Variants in BCORL1 observed in about 807,000 individuals in gnomAD.
BCORL1 encodes the protein BCL-6 corepressor-like protein 1.
BCORL1 carries 7 observed loss-of-function variants against 87.6 expected under a neutral mutation model. The observed-to-expected ratio is 0.08, with a 90% confidence interval of 0.05 to 0.15. BCORL1 has a LOEUF of 0.15. Among genes scored for constraint, BCORL1 ranks in the 10% least tolerant of loss-of-function variants. The probability of loss-of-function intolerance (pLI) is 1.00; values close to 1 mark genes in which losing one functional copy is unlikely to be tolerated. For missense variants in BCORL1, 1,215 were observed against 1,499.7 expected (o/e 0.81, Z 3.13); for synonymous variants, 591 against 634.4 (o/e 0.93, Z 1.03).
chrX:129,998,357 C>T (rs1012237885), intron 1 of BCORL1, among the ~76,000 whole-genome samples: 3 of 75,298 alleles, frequency 4.0e-5, no homozygotes, highest in East Asian at 4.6e-4. Flanking sequence ...GGAGAGTAGG[C>T]GGGGTGGTGG....
chrX:130,031,020 T>G (rs1270510439), intron 8 of BCORL1, among the ~76,000 whole-genome samples: 1 of 112,915 alleles, frequency 8.9e-6, no homozygotes, highest in African/African-American at 3.2e-5. Flanking sequence ...CAAGGGCTTC[T>G]TCCCACAGGG....
intron 2 of BCORL1, among the ~76,000 whole-genome samples, chrX:130,006,644 C>T (rs925624987): frequency 1.8e-5 from 2 of 111,235 alleles, no homozygotes; most frequent in Non-Finnish European, 3.8e-5. Context: ...CAGGTGTGAG[C>T]CACCTTGCCC....
chrX:130,048,011 C>G (rs1054012954), intron 11 of BCORL1, among the ~76,000 whole-genome samples: 2 of 111,837 alleles, frequency 1.8e-5, no homozygotes, highest in Non-Finnish European at 3.8e-5. Flanking sequence ...GACAGCGGGA[C>G]TGCAGTTGTT....
chrX:130,048,653 T>C (rs1169363773), intron 11 of BCORL1, among the ~76,000 whole-genome samples: 2 of 112,448 alleles, frequency 1.8e-5, no homozygotes, highest in Non-Finnish European at 3.8e-5. Context: ...ACTTTTATTG[T>C]GGTCAAATAC....
Position 130,014,636 on chromosome X carries a change from C to A in BCORL1, c.1864C>A (p.Leu622Ile). 8.3e-7 allele frequency: 1 copy of A among 1,211,654 alleles called. No individual in the cohort carries two copies. The highest frequency in any genetic ancestry group is 1.7e-5 in the African/African-American group (1 of 57,785). ...TCCACCTGAGTGCAGCGAGATGCCCCTTGATCTGTCCTCCAAGTCCAACCG... is the reference window on the plus strand; with the variant it reads ...TCCACCTGAGTGCAGCGAGATGCCCATTGATCTGTCCTCCAAGTCCAACCG... ...ASPPECSEMP[L>I]DLSSKSNRQK... Residue 622 changes from leucine (L) to isoleucine (I), a missense_variant, in exon 4 of 14, where the codon CTT (leucine) becomes ATT (isoleucine). Leu to Ile is a conservative substitution (Grantham distance 5). Coordinates refer to ENST00000540052, the MANE Select transcript of BCORL1 (RefSeq NM_001379451.1).
chrX:130,056,392 CAA>C lies in BCORL1; in HGVS notation c.*257_*258del. 6.6e-6 allele frequency: 2 copies of C among 301,615 alleles called. No homozygotes were observed. Among genetic ancestry groups the C allele is most frequent in the Non-Finnish European group, 1.1e-5 (2 of 175,483 alleles). 24.9% of individuals were successfully genotyped at this position (301,615 alleles called of 1,213,427 possible). A position where few individuals can be genotyped will look rare whatever the true frequency, so the allele number is the denominator to read the frequency against. ...GAAAGTTGAACTCCATGTCTGAGGA[CAA>C]GAGGTCCCGGGGGTGGTGGGAGGTG... is the stretch of plus-strand genomic sequence containing the variant. On this transcript the variant is annotated 3_prime_UTR_variant, in exon 14 of 14. Transcript: ENST00000540052.
chrX:130,037,344 T>A, intron 9 of BCORL1, 23 bp from the exon 10 acceptor site: 1 of 1,205,424 alleles, frequency 8.3e-7, no homozygotes, highest in African/African-American at 1.7e-5. Flanking sequence ...TCTTTGCTCA[T>A]GGAGTTGTCC....
intron 2 of BCORL1, among the ~76,000 whole-genome samples, chrX:130,011,486 C>T (rs767779149): frequency 9.9e-6 from 1 of 100,513 alleles, no homozygotes; most frequent in Non-Finnish European, 2.0e-5. Context: ...GATGCACCCA[C>T]CTCAGCTGGC....
chrX:130,043,776 ATATATATATTTTT>A (rs1392894506), intron 11 of BCORL1, among the ~76,000 whole-genome samples: 1 of 21,432 alleles, frequency 4.7e-5, no homozygotes, highest in Non-Finnish European at 6.8e-5. Flanking sequence ...ATATATATAT[ATATATATATTTTT>A]TTTTTTTTTT....
intron 11 of BCORL1, among the ~76,000 whole-genome samples, chrX:130,043,339 C>T: frequency 9.0e-6 from 1 of 111,406 alleles, no homozygotes; most frequent in Non-Finnish European, 1.9e-5. Flanking sequence ...CCATTTAGTA[C>T]ATTCCTAATG....
chrX:129,982,140 C>T (rs765238225), upstream of BCORL1, among the ~76,000 whole-genome samples: 33 of 109,503 alleles, frequency 3.0e-4, no homozygotes, highest in Admixed American at 2.1e-3. Flanking sequence ...AGAGAGAACC[C>T]TTTGGCCGCG....
At position 130,014,789 on chromosome X, in the gene BCORL1, G is replaced by A. The variant is rs1158033315; in HGVS notation, c.2017G>A (p.Gly673Ser). Residue 673 changes from glycine to serine, a missense_variant, in exon 4 of 14, where the codon GGT (glycine) becomes AGT (serine). Physicochemically the swap from Gly to Ser is moderately conservative, Grantham distance 56 (BLOSUM62 0). This residue lies in a region of BCORL1 where 861 missense variants were observed against 1,010.0 expected (regional missense o/e 0.85). Transcript: ENST00000540052. ...SRSQRTTQAA[G>S]GNVTSCLGST... ...GTCTCAGCGCACAACCCAGGCTGCCGGTGGCAATGTCACCTCCTGCCTGGG... is the reference window on the plus strand; with the variant it reads ...GTCTCAGCGCACAACCCAGGCTGCCAGTGGCAATGTCACCTCCTGCCTGGG... The A allele has an allele frequency of 5.8e-6, 7 of 1,209,155 alleles. No homozygotes were observed. The South Asian group carries it at 1.1e-4, about 18-fold the overall frequency.
intron 1 of BCORL1, among the ~76,000 whole-genome samples, chrX:129,989,484 C>A (rs1340954351): frequency 5.5e-5 from 2 of 36,099 alleles, no homozygotes; most frequent in East Asian, 7.9e-4. Flanking sequence ...TTTTTTTTAA[C>A]CGGAGACAGT....
At chrX:130,019,805 T>G (rs1409044683) in intron 4 of BCORL1, among the ~76,000 whole-genome samples, 1 of 112,332 alleles carries the variant, frequency 8.9e-6, no homozygotes, top group Non-Finnish European at 1.9e-5. Context: ...CCTTTCCTCC[T>G]CGGACCTGCT....
chrX:130,045,254 G>A (rs1437665785), intron 11 of BCORL1, among the ~76,000 whole-genome samples: 1 of 112,395 alleles, frequency 8.9e-6, no homozygotes, highest in Admixed American at 9.4e-5. Flanking sequence ...TTCCTCGTCT[G>A]TTGGAAAGAA....
chrX:129,992,608 A>C lies in BCORL1; in HGVS notation c.-45+9846A>C, dbSNP rs769745763. Among the ~76,000 whole-genome samples the C allele has an allele frequency of 2.9e-3, 330 of 112,437 alleles. 2 individuals are homozygous for C. Among genetic ancestry groups the C allele is most frequent in the Middle Eastern group, 4.6e-3 (1 of 218 alleles). On this transcript the variant is annotated intron_variant, in intron 1 of 13. Transcript: ENST00000540052. ...GAATAACCTGATAATGGTCTCTCCA[A>C]ATATTTGTGTTATGTAGTCCAGGAG...
chrX:129,981,579 C>T (rs891847219), upstream of BCORL1: 5 of 108,951 alleles, frequency 4.6e-5, no homozygotes, highest in Admixed American at 2.0e-4. Context: ...CTTCCACTAC[C>T]AACCCCTCTT....
At chrX:130,030,238 G>A (rs1268235055) in intron 8 of BCORL1, among the ~76,000 whole-genome samples, 2 of 111,779 alleles carry the variant, frequency 1.8e-5, no homozygotes, top group Non-Finnish European at 3.8e-5. Context: ...TGCTTCGGGC[G>A]GAAGCAAGAA....
chrX:130,019,429 C>T (rs1929654236), intron 4 of BCORL1, among the ~76,000 whole-genome samples: 1 of 112,563 alleles, frequency 8.9e-6, no homozygotes, highest in Admixed American at 9.4e-5. Flanking sequence ...TCCAGCCGTA[C>T]CTGAAGGTTA....
Sources: gnomAD v4.1 joint callset for allele counts (sites outside exome capture counted in the v4.1 genomes callset) on GRCh38, gnomAD v4.1.1 for gene constraint, gnomAD v4.1.1 regional missense constraint, MANE v1.5 for transcripts, NCBI Gene and HGNC (gene_info 2026-07-23, HGNC 2026-07-21) for gene names.